MITF: variants seen among roughly 807,000 people sequenced by gnomAD.
The protein encoded by MITF is microphthalmia-associated transcription factor.
MITF carries 17 observed loss-of-function variants against 60.5 expected under a neutral mutation model. The ratio of observed to expected loss-of-function variants is 0.28; its 90% CI spans 0.19 to 0.42. MITF has a LOEUF of 0.42. MITF is among the 10% of genes least tolerant of loss of function. MITF has a pLI of 1.00. For synonymous variants in MITF, 260 were observed against 248.5 expected (o/e 1.05, Z -0.43); for missense variants, 622 against 683.5 (o/e 0.91, Z 1.00).
chr3:69,886,222 A>G (rs981756460), intron 2 of MITF, among the ~76,000 whole-genome samples: 1 of 152,138 alleles, frequency 6.6e-6, no homozygotes, highest in Non-Finnish European at 1.5e-5. Flanking sequence ...GCTTCAATCC[A>G]TAGCTTAAAC....
At chr3:69,753,386 A>G (rs1415877392) in intron 1 of MITF, among the ~76,000 whole-genome samples, 2 of 152,244 alleles carry the variant, frequency 1.3e-5, no homozygotes, top group Admixed American at 1.3e-4. Flanking sequence ...CTCATAAAGA[A>G]ACTCTACTAG....
intron 1 of MITF, chr3:69,758,898 A>T (rs1486387745): frequency 4.6e-6 from 1 of 216,346 alleles, no homozygotes. Flanking sequence ...AGCTAATGGC[A>T]TGTCCTTCTT....
chr3:69,799,892 T>C (rs2062889894), intron 1 of MITF, among the ~76,000 whole-genome samples: 1 of 152,202 alleles, frequency 6.6e-6, no homozygotes, highest in Admixed American at 6.5e-5. Flanking sequence ...AGGAACTAAA[T>C]AGACATCTAT....
At chr3:69,820,442 T>G (rs2063250856) in intron 1 of MITF, among the ~76,000 whole-genome samples, 1 of 149,604 alleles carries the variant, frequency 6.7e-6, no homozygotes. Flanking sequence ...ACAGTTTAAA[T>G]GTAGCAATGA....
intron 1 of MITF, among the ~76,000 whole-genome samples, chr3:69,801,498 A>G (rs2062918797): frequency 6.6e-6 from 1 of 152,180 alleles, no homozygotes; most frequent in Non-Finnish European, 1.5e-5. Context: ...GATTTCTAGG[A>G]ACTTAACAGT....
chr3:69,917,873 A>G (rs1325516865), intron 2 of MITF, among the ~76,000 whole-genome samples: 2 of 152,104 alleles, frequency 1.3e-5, no homozygotes, highest in Admixed American at 6.5e-5. Flanking sequence ...TTTGAATAAG[A>G]CAACTTTTGC....
At chr3:69,932,016 T>A (rs753366172) in intron 2 of MITF, among the ~76,000 whole-genome samples, 1 of 152,220 alleles carries the variant, frequency 6.6e-6, no homozygotes. Flanking sequence ...GTTAAGACAG[T>A]AGTTGGAAAA....
chr3:69,890,380 C>A (rs1280603698), intron 2 of MITF, among the ~76,000 whole-genome samples: 1 of 152,130 alleles, frequency 6.6e-6, no homozygotes, highest in Non-Finnish European at 1.5e-5. Context: ...CAAACCTACA[C>A]ATATCACACT....
intron 2 of MITF, among the ~76,000 whole-genome samples, chr3:69,910,053 G>A (rs2065189334): frequency 6.6e-6 from 1 of 152,178 alleles, no homozygotes; most frequent in Admixed American, 6.5e-5. Flanking sequence ...AGGAAAAAGT[G>A]GTTCCAAGTG....
At chr3:69,865,378 T>TA (rs1274335517) in intron 1 of MITF, among the ~76,000 whole-genome samples, 1 of 152,172 alleles carries the variant, frequency 6.6e-6, no homozygotes, top group African/African-American at 2.4e-5. Context: ...GGGAGAAACA[T>TA]ACATACAATA....
chr3:69,868,899 CAAA>C (rs75440769), intron 1 of MITF, among the ~76,000 whole-genome samples: 6 of 77,188 alleles, frequency 7.8e-5, no homozygotes, highest in Admixed American at 1.5e-4. Flanking sequence ...GACTCCATCT[CAAA>C]AAAAAAAAAA....
intron 1 of MITF, among the ~76,000 whole-genome samples, chr3:69,741,180 T>G (rs1295311675): frequency 6.6e-6 from 1 of 152,052 alleles, no homozygotes; most frequent in Non-Finnish European, 1.5e-5. Flanking sequence ...GAGCATAGAT[T>G]GTGTGTGTTG....
At chr3:69,829,883 C>T (rs2063418020) in intron 1 of MITF, among the ~76,000 whole-genome samples, 3 of 152,158 alleles carry the variant, frequency 2.0e-5, no homozygotes, top group Admixed American at 2.0e-4. Flanking sequence ...GGATGGCATT[C>T]CCAGTTTGGT....
At position 69,955,019 on chromosome 3, in the gene MITF, C is replaced by T. The variant is rs2107527107; in HGVS notation, c.956-1436C>T. Among the ~76,000 whole-genome samples, 3 of 152,254 alleles carry T rather than the reference C, an allele frequency of 2.0e-5. 1 individual carries two copies. The South Asian group carries it at 6.2e-4, about 32-fold the overall frequency. On this transcript the variant is annotated intron_variant, in intron 7 of 9. Coordinates refer to ENST00000352241, the MANE Select transcript of MITF (RefSeq NM_001354604.2). The stretch of plus-strand genomic sequence containing the variant: ...GACTACATTAATTAGAGACATTTAT[C>T]ATGTCATATGCCTTATTATGTCATC...
intron 1 of MITF, among the ~76,000 whole-genome samples, chr3:69,770,236 A>G (rs1199622298): frequency 6.6e-6 from 1 of 152,176 alleles, no homozygotes; most frequent in East Asian, 1.9e-4. Context: ...ACTTGAGTAT[A>G]TAGTATGATG....
chr3:69,954,347 A>T (rs762843383), intron 7 of MITF, among the ~76,000 whole-genome samples: 2 of 152,244 alleles, frequency 1.3e-5, no homozygotes, highest in Non-Finnish European at 2.9e-5. Context: ...GGATACATGA[A>T]TATGGGATGG....
chr3:69,866,252 C>G, intron 1 of MITF: 1 of 1,610,140 alleles, frequency 6.2e-7, no homozygotes, highest in Non-Finnish European at 8.5e-7. Flanking sequence ...GACTTTCACT[C>G]TTCGCCAAGG....
rs142851484 is a variant in MITF at position 69,937,394 on chromosome 3, G to T, written c.355-428G>T. ...TGTGTGTGTGTGTGTGTGTGTGTGT[G>T]TGTGTGTGTGTTTTAAAAAGAAAGC... On this transcript the variant is annotated intron_variant, in intron 2 of 9. Coordinates refer to ENST00000352241, the MANE Select transcript of MITF (RefSeq NM_001354604.2). 8.6e-4 allele frequency among the ~76,000 whole-genome samples: 130 copies of T among 151,948 alleles called. 1 individual carries two copies. In the East Asian group the frequency reaches 0.025, roughly 29 times the overall value.
At chr3:69,835,807 G>T (rs536424690) in intron 1 of MITF, among the ~76,000 whole-genome samples, 1 of 152,100 alleles carries the variant, frequency 6.6e-6, no homozygotes, top group East Asian at 1.9e-4. Flanking sequence ...TTTATTTCTG[G>T]GTTCTCTATT....
Sources: allele counts gnomAD v4.1 joint callset (sites outside exome capture counted in the v4.1 genomes callset), GRCh38; gene constraint gnomAD v4.1.1; transcripts MANE v1.5; gene names NCBI Gene and HGNC (gene_info 2026-07-23, HGNC 2026-07-21).